The following NCAPG2 variants were observed in gnomAD, a reference collection of about 807,000 sequenced individuals.
NCAPG2 encodes non-SMC condensin II complex subunit G2.
NCAPG2 carries 53 observed loss-of-function variants against 141.1 expected under a neutral mutation model. The ratio of observed to expected loss-of-function variants is 0.38; its 90% CI spans 0.30 to 0.47. The LOEUF is 0.47. Among genes scored for constraint, NCAPG2 ranks in the 20% least tolerant of loss-of-function variants. The pLI, the probability that NCAPG2 is intolerant of heterozygous loss-of-function variation, is 0.99. For missense variants in NCAPG2, 1,087 were observed against 1,389.0 expected (o/e 0.78, Z 3.46); for synonymous variants, 499 against 490.7 (o/e 1.02, Z -0.22).
At chr7:158,674,642 G>A (rs1266745803) in intron 12 of NCAPG2, among the ~76,000 whole-genome samples, 2 of 152,238 alleles carry the variant, frequency 1.3e-5, no homozygotes, top group African/African-American at 4.8e-5. Context: ...GAGAAGTGGG[G>A]AGGAAGATCC....
chr7:158,638,302 C>T (rs117674337), intron 27 of NCAPG2, among the ~76,000 whole-genome samples: 1,972 of 152,260 alleles, frequency 0.013, 24 homozygotes, highest in Admixed American at 0.022. Context: ...GACTGGAGTG[C>T]GGTGGCGCAA....
chr7:158,662,053 A>G (rs1347973723), intron 16 of NCAPG2, 141 bp downstream of exon 16: 3 of 774,158 alleles, frequency 3.9e-6, no homozygotes, highest in African/African-American at 3.7e-5. Flanking sequence ...ACTATACTGC[A>G]AGGTAAACAC....
At chr7:158,690,539 G>A (rs1324789423) in intron 5 of NCAPG2, 29 bp downstream of exon 5, 5 of 1,601,128 alleles carry the variant, frequency 3.1e-6, no homozygotes, top group Non-Finnish European at 4.3e-6. Context: ...GAGAGACCCT[G>A]TCTTTAAAAA....
At chr7:158,650,748 A>G (rs1248551403) in intron 24 of NCAPG2, 84 bp downstream of exon 24, 7 of 1,448,604 alleles carry the variant, frequency 4.8e-6, no homozygotes, top group Non-Finnish European at 6.4e-6. Context: ...TACTTTGAGA[A>G]ACGTAGAGAA....
chr7:158,651,870 G>T (rs1387798460), intron 23 of NCAPG2, among the ~76,000 whole-genome samples: 1 of 152,168 alleles, frequency 6.6e-6, no homozygotes, highest in African/African-American at 2.4e-5. Flanking sequence ...CACTCTACAA[G>T]TATCAAAATT....
At chr7:158,685,152 C>T (rs1834680375) in intron 8 of NCAPG2, among the ~76,000 whole-genome samples, 1 of 152,178 alleles carries the variant, frequency 6.6e-6, no homozygotes. Context: ...AACAAACACA[C>T]TTTTTTGTCC....
rs757911899 is a variant in NCAPG2 at position 158,656,729 on chromosome 7, G to A, written c.2061-24C>T. 7.8e-5 allele frequency: 125 copies of A among 1,609,642 alleles called. 1 individual carries two copies. Among genetic ancestry groups the A allele is most frequent in the Non-Finnish European group, 8.5e-5 (100 of 1,177,578 alleles). ...AGCTGAAAATGTCAGACGGAAAATC[G>A]GACTGAGTATTTCAACGGAGACTCC... is the stretch of plus-strand genomic sequence containing the variant. On this transcript the variant is annotated intron_variant, in intron 17 of 27. Coordinates refer to ENST00000356309, the MANE Select transcript of NCAPG2 (RefSeq NM_017760.7).
At chr7:158,636,941 CTCT>C (rs1222876888) in intron 27 of NCAPG2, among the ~76,000 whole-genome samples, 33 of 151,790 alleles carry the variant, frequency 2.2e-4, no homozygotes, top group Middle Eastern at 3.4e-3. Context: ...ATTGGGTTTC[CTCT>C]TCTTCTTCTT....
intron 23 of NCAPG2, among the ~76,000 whole-genome samples, chr7:158,651,379 C>G (rs1831481135): frequency 6.6e-6 from 1 of 152,200 alleles, no homozygotes; most frequent in African/African-American, 2.4e-5. Context: ...TAAAAGATCA[C>G]AGGCACTTGA....
intron 19 of NCAPG2, 102 bp downstream of exon 19, chr7:158,656,158 G>A: frequency 7.1e-7 from 1 of 1,404,594 alleles, no homozygotes; most frequent in Non-Finnish European, 9.8e-7. Context: ...TTCTGTTCCA[G>A]CCAGAACACT....
rs1002922507 is a variant in NCAPG2 at position 158,649,911 on chromosome 7, T to A, written c.3075+921A>T. Among the ~76,000 whole-genome samples the A allele has an allele frequency of 3.9e-5, 6 of 152,262 alleles. No homozygotes were observed. In the East Asian group the frequency reaches 1.2e-3, roughly 29 times the overall value. On this transcript the variant is annotated intron_variant, in intron 24 of 27. Coordinates refer to ENST00000356309, the MANE Select transcript of NCAPG2 (RefSeq NM_017760.7). ...CACCACTTTTTGTTTTGGCTTGAATTATCATCCTGATTATAACATCCTTTA... is the reference window on the plus strand; with the variant it reads ...CACCACTTTTTGTTTTGGCTTGAATAATCATCCTGATTATAACATCCTTTA...
At position 158,672,318 on chromosome 7, in the gene NCAPG2, ATATATATATATTTTTTTTTTTTT is replaced by A. The variant is rs1833775031; in HGVS notation, c.1327-675_1327-653del. ...TATATATATATATATATATATATAT[ATATATATATATTTTTTTTTTTTT>A]TTTTTTTTTTTTTTTTTTTGAGACG... On this transcript the variant is annotated intron_variant, in intron 12 of 27. Coordinates refer to ENST00000356309, the MANE Select transcript of NCAPG2 (RefSeq NM_017760.7). 2.0e-4 allele frequency among the ~76,000 whole-genome samples: 7 copies of A among 34,860 alleles called. No individual in the cohort carries two copies. The East Asian group carries it at 4.1e-3, about 21-fold the overall frequency. 22.9% of individuals were successfully genotyped at this position (34,860 alleles called of 152,430 possible). A position where few individuals can be genotyped will look rare whatever the true frequency, so the allele number is the denominator to read the frequency against.
In NCAPG2 at chr7:158,655,226, C is replaced by T. The variant is rs1563515908; in HGVS notation, c.2538G>A (p.Met846Ile). ...FCSEGKVYLS[M>I]LEDTGFWLES... Reference sequence around the variant, plus strand: ...CTAACCAAAAGCCAGTGTCTTCCAACATGGACAAATACACCTTTCCTTCTG... The same window carrying T: ...CTAACCAAAAGCCAGTGTCTTCCAATATGGACAAATACACCTTTCCTTCTG... The change falls in exon 21 of 28, where the codon ATG (methionine) becomes ATA (isoleucine). Residue 846 changes from methionine to isoleucine, a missense_variant. Coordinates refer to ENST00000356309, the MANE Select transcript of NCAPG2 (RefSeq NM_017760.7). The T allele has an allele frequency of 5.0e-6, 8 of 1,614,006 alleles. No homozygotes were observed. The highest frequency in any genetic ancestry group is 6.8e-6 in the Non-Finnish European group (8 of 1,179,990).
At chr7:158,662,127 C>G (rs1452443728) in intron 16 of NCAPG2, 67 bp downstream of exon 16, 1 of 1,441,040 alleles carries the variant, frequency 6.9e-7, no homozygotes, top group African/African-American at 1.5e-5. Context: ...TGTTTGAGAA[C>G]TTTTGTTAAA....
chr7:158,639,460 C>A (rs1037250305), intron 27 of NCAPG2, among the ~76,000 whole-genome samples: 4 of 152,172 alleles, frequency 2.6e-5, no homozygotes, highest in East Asian at 1.9e-4. Flanking sequence ...TATTTACATT[C>A]TTTTCCATAT....
intron 12 of NCAPG2, among the ~76,000 whole-genome samples, chr7:158,672,309 TATATATATATATATATA>T (rs1833762979): frequency 1.7e-4 from 6 of 34,388 alleles, no homozygotes; most frequent in African/African-American, 7.0e-4. Flanking sequence ...TATATATATA[TATATATATATATATATA>T]TATTTTTTTT....
At chr7:158,681,020 G>A (rs1439000910) in intron 9 of NCAPG2, among the ~76,000 whole-genome samples, 1 of 152,158 alleles carries the variant, frequency 6.6e-6, no homozygotes, top group Non-Finnish European at 1.5e-5. Context: ...TCACAAGAAA[G>A]AATCTACGGC....
intron 24 of NCAPG2, among the ~76,000 whole-genome samples, chr7:158,647,779 C>A (rs1328377895): frequency 1.3e-5 from 2 of 151,994 alleles, no homozygotes. Flanking sequence ...TAGCTCACTG[C>A]AGCCTTGAAC....
intron 8 of NCAPG2, among the ~76,000 whole-genome samples, chr7:158,685,047 G>GT (rs1834671369): frequency 1.3e-5 from 2 of 152,178 alleles, no homozygotes; most frequent in South Asian, 4.1e-4. Context: ...AGAACACAGG[G>GT]TTGTGAGAGG....
Sources: allele counts gnomAD v4.1 joint callset (sites outside exome capture counted in the v4.1 genomes callset), GRCh38; gene constraint gnomAD v4.1.1; transcripts MANE v1.5; gene names NCBI Gene and HGNC (gene_info 2026-07-23, HGNC 2026-07-21).